The following KLF12 variants were observed in gnomAD, a reference collection of about 807,000 sequenced individuals.
KLF12 encodes KLF transcription factor 12.
A neutral mutation model predicts 37.8 loss-of-function variants in KLF12; 9 were observed. That is an observed-to-expected ratio of 0.24 (90% CI 0.14 to 0.42). The LOEUF (loss-of-function observed/expected upper bound fraction) is 0.42. Ranked by LOEUF, KLF12 falls within the 10% of genes least tolerant of loss-of-function variation. The probability of loss-of-function intolerance (pLI) is 1.00; values close to 1 mark genes in which losing one functional copy is unlikely to be tolerated. For synonymous variants in KLF12, 208 were observed against 202.1 expected, an observed-to-expected ratio of 1.03 and a Z score of -0.25; for missense variants, 411 against 516.0, an observed-to-expected ratio of 0.80 and a Z score of 1.97.
intron 1 of KLF12, among the ~76,000 whole-genome samples, chr13:74,115,383 G>C (rs926522252): frequency 6.6e-6 from 1 of 152,106 alleles, no homozygotes; most frequent in African/African-American, 2.4e-5. Flanking sequence ...GGAAAAGCAA[G>C]GCCATAACTC....
intron 1 of KLF12, among the ~76,000 whole-genome samples, chr13:74,033,462 T>C (rs1032290674): frequency 3.4e-4 from 52 of 152,218 alleles, no homozygotes; most frequent in African/African-American, 1.2e-3. Flanking sequence ...AGGAATGTTA[T>C]AATTAAATGA....
chr13:74,102,930 T>C (rs953704813), intron 1 of KLF12, among the ~76,000 whole-genome samples: 1 of 152,242 alleles, frequency 6.6e-6, no homozygotes, highest in Non-Finnish European at 1.5e-5. Context: ...AAGTAGGTTT[T>C]ATGGATTGGA....
intron 4 of KLF12, among the ~76,000 whole-genome samples, chr13:73,842,871 A>G (rs1473576909): frequency 6.6e-6 from 1 of 152,136 alleles, no homozygotes; most frequent in Non-Finnish European, 1.5e-5. Flanking sequence ...AATTACTGAA[A>G]TGCCCTTTCC....
chr13:74,206,532 C>T, the KLF12 span, among the ~76,000 whole-genome samples: 3 of 152,102 alleles, frequency 2.0e-5, no homozygotes, highest in Non-Finnish European at 4.4e-5. Context: ...TCTTTGTGTT[C>T]CCATCCACCC....
chr13:74,186,096 A>G, the KLF12 span, among the ~76,000 whole-genome samples: 1 of 152,158 alleles, frequency 6.6e-6, no homozygotes, highest in Non-Finnish European at 1.5e-5. Context: ...CGTATTCTTT[A>G]AATGCATGAT....
chr13:73,700,337 T>C (rs951336546), intron 7 of KLF12, among the ~76,000 whole-genome samples: 6 of 151,548 alleles, frequency 4.0e-5, no homozygotes, highest in Admixed American at 6.6e-5. Context: ...TATAAGCTAT[T>C]TGGGGCTAAG....
the KLF12 span, among the ~76,000 whole-genome samples, chr13:74,282,806 G>A: frequency 6.6e-6 from 1 of 152,146 alleles, no homozygotes; most frequent in Non-Finnish European, 1.5e-5. Context: ...TTCTATTAAT[G>A]AATGCCGTGT....
intron 6 of KLF12, among the ~76,000 whole-genome samples, chr13:73,726,550 C>A: frequency 6.6e-6 from 1 of 152,164 alleles, no homozygotes; most frequent in African/African-American, 2.4e-5. Context: ...TTGTGTCTGC[C>A]TTCTTTCACT....
intron 2 of KLF12, among the ~76,000 whole-genome samples, 181 bp from the exon 3 acceptor site, chr13:73,944,251 A>C (rs980333876): frequency 2.6e-5 from 4 of 152,210 alleles, no homozygotes; most frequent in Non-Finnish European, 5.9e-5. Flanking sequence ...CTTTCATTTG[A>C]AATAATGACC....
At chr13:74,071,884 A>G (rs1874275625) in intron 1 of KLF12, among the ~76,000 whole-genome samples, 1 of 152,126 alleles carries the variant, frequency 6.6e-6, no homozygotes, top group East Asian at 1.9e-4. Flanking sequence ...ATCAATACCA[A>G]TGGGAAAGAA....
At chr13:73,707,429 T>C (rs1194576483) in intron 7 of KLF12, among the ~76,000 whole-genome samples, 2 of 152,190 alleles carry the variant, frequency 1.3e-5, no homozygotes, top group Non-Finnish European at 2.9e-5. Context: ...TTCTATTATA[T>C]TTTCTAATGT....
intron 5 of KLF12, among the ~76,000 whole-genome samples, chr13:73,789,599 C>G (rs1881543312): frequency 1.3e-5 from 2 of 152,060 alleles, no homozygotes; most frequent in African/African-American, 4.8e-5. Flanking sequence ...GTGTTCTTCC[C>G]AAGTGTAATG....
intron 3 of KLF12, among the ~76,000 whole-genome samples, chr13:73,881,676 TA>T (rs552729325): frequency 7.6e-4 from 116 of 152,304 alleles, no homozygotes; most frequent in Admixed American, 1.4e-3. Flanking sequence ...TTTTCCTAAA[TA>T]AACTCAGTTG....
the KLF12 span, among the ~76,000 whole-genome samples, chr13:74,214,785 G>T: frequency 6.6e-5 from 10 of 151,990 alleles, no homozygotes; most frequent in Non-Finnish European, 1.2e-4. Context: ...TTCAATTTGA[G>T]GAAAATTCCT....
chr13:73,967,258 C>T (rs919725992), intron 2 of KLF12, among the ~76,000 whole-genome samples: 5 of 152,118 alleles, frequency 3.3e-5, no homozygotes, highest in Non-Finnish European at 7.4e-5. Flanking sequence ...GCACCAGTTA[C>T]CAAAACTGAG....
rs576074889 is a variant in KLF12 at position 73,818,002 on chromosome 13, T to A, written c.671-4715A>T. 2.3e-4 allele frequency among the ~76,000 whole-genome samples: 35 copies of A among 152,378 alleles called. 1 individual carries two copies. The East Asian group carries it at 6.7e-3, about 29-fold the overall frequency. ...AAGCTACCTACTGCATTCTGCATCA[T>A]TTACTTTTCAATTCAAAATATTCAA... On this transcript the variant is annotated intron_variant, in intron 4 of 7. Coordinates refer to ENST00000377669, the MANE Select transcript of KLF12 (RefSeq NM_007249.5).
At chr13:73,921,791 G>C (rs1259306053) in intron 3 of KLF12, among the ~76,000 whole-genome samples, 1 of 152,126 alleles carries the variant, frequency 6.6e-6, no homozygotes, top group Non-Finnish European at 1.5e-5. Context: ...TATCTTTCTA[G>C]ATACGTGTCT....
At chr13:74,235,934 T>C in the KLF12 span, among the ~76,000 whole-genome samples, 95 of 50,110 alleles carry the variant, frequency 1.9e-3, no homozygotes, top group African/African-American at 3.1e-3. Flanking sequence ...TTTTAGTTTA[T>C]TTTTTTTATT....
At chr13:74,137,657 T>G (rs918939614), upstream of KLF12, among the ~76,000 whole-genome samples, 1 of 152,240 alleles carries the variant, frequency 6.6e-6, no homozygotes, top group African/African-American at 2.4e-5. Flanking sequence ...AAGTGTTACC[T>G]GCCCACAAAC....
Sources: gnomAD v4.1 joint callset for allele counts (sites outside exome capture counted in the v4.1 genomes callset) on GRCh38, gnomAD v4.1.1 for gene constraint, MANE v1.5 for transcripts, NCBI Gene and HGNC (gene_info 2026-07-23, HGNC 2026-07-21) for gene names.